The following GLDN variants were observed in gnomAD, a reference collection of about 807,000 sequenced individuals.
The protein encoded by GLDN is gliomedin.
GLDN carries 47 observed loss-of-function variants against 56.5 expected under a neutral mutation model. That is an observed-to-expected ratio of 0.83 (90% CI 0.66 to 1.06). The LOEUF is 1.06. Among genes scored for constraint, GLDN ranks in the 50% least tolerant of loss-of-function variants. GLDN has a pLI of 0.00. For synonymous variants in GLDN, 332 were observed against 278.8 expected (o/e 1.19, Z -1.90); for missense variants, 782 against 714.3 (o/e 1.09, Z -1.08).
In GLDN at chr15:51,404,621, T is replaced by G. The variant is rs2038334604; in HGVS notation, c.1523T>G (p.Phe508Cys). Residue 508 changes from phenylalanine to cysteine, a missense_variant, in exon 10 of 10, where the codon TTT (phenylalanine) becomes TGT (cysteine). Physicochemically the swap from Phe to Cys is radical, Grantham distance 205. Coordinates refer to ENST00000335449, the MANE Select transcript of GLDN (RefSeq NM_181789.4). ...LLGGKQINAN[F>C]DLRTSQSVLA... ...GGAGGGAAACAGATCAATGCAAACT[T>G]TGATTTAAGAACTTCCCAGTCTGTT... 1 of 1,614,128 alleles carries G rather than the reference T, an allele frequency of 6.2e-7. No homozygotes were observed. The highest frequency in any genetic ancestry group is 1.7e-5 in the Admixed American group (1 of 60,028).
In GLDN at chr15:51,367,662, T is replaced by C. The variant is rs143922340; in HGVS notation, c.364-9787T>C. On this transcript the variant is annotated intron_variant, in intron 1 of 9. Coordinates refer to ENST00000335449, the MANE Select transcript of GLDN (RefSeq NM_181789.4). ...AAAGGCAGGCTGGCGTCCATCCCCA[T>C]CCTAATCCACTTAGCAAAGCAGGAA... Among the ~76,000 whole-genome samples, 47 of 152,276 alleles carry C rather than the reference T, an allele frequency of 3.1e-4. 1 individual carries two copies. In the East Asian group the frequency reaches 9.1e-3, roughly 29 times the overall value.
chr15:51,359,467 C>T (rs554277861), intron 1 of GLDN, among the ~76,000 whole-genome samples: 14 of 152,282 alleles, frequency 9.2e-5, no homozygotes, highest in African/African-American at 3.4e-4. Flanking sequence ...GGGAACAATT[C>T]CCCACAGGCC....
At chr15:51,391,289 CT>C (rs1452673050) in intron 4 of GLDN, among the ~76,000 whole-genome samples, 1 of 152,046 alleles carries the variant, frequency 6.6e-6, no homozygotes, top group African/African-American at 2.4e-5. Context: ...CACATATGGC[CT>C]TTCCGAGAAA....
chr15:51,360,188 C>A (rs1013316943), intron 1 of GLDN: 1 of 152,232 alleles, frequency 6.6e-6, no homozygotes, highest in African/African-American at 2.4e-5. Context: ...GAGGAGCAGG[C>A]TGAACGAGAC....
chr15:51,410,509 C>T (rs2038454304), downstream of GLDN, among the ~76,000 whole-genome samples: 2 of 152,170 alleles, frequency 1.3e-5, no homozygotes, highest in Non-Finnish European at 2.9e-5. Context: ...CCCCATGGTT[C>T]AGCCAAGTCT....
chr15:51,353,072 T>A (rs1213235723), intron 1 of GLDN, among the ~76,000 whole-genome samples: 1 of 152,198 alleles, frequency 6.6e-6, no homozygotes, highest in East Asian at 1.9e-4. Context: ...ATTCAAGGTA[T>A]TTTTTAGACT....
At chr15:51,358,837 G>T (rs2037236609) in intron 1 of GLDN, among the ~76,000 whole-genome samples, 2 of 152,190 alleles carry the variant, frequency 1.3e-5, no homozygotes, top group South Asian at 4.1e-4. Flanking sequence ...TCTTCCCGGA[G>T]GAGAGACATG....
intron 9 of GLDN, 74 bp from the exon 10 acceptor site, chr15:51,404,203 T>G (rs748299448): frequency 8.5e-6 from 10 of 1,179,700 alleles, no homozygotes; most frequent in Non-Finnish European, 1.2e-5. Flanking sequence ...CTCAGTTTAA[T>G]AGAGGAGCCT....
At chr15:51,389,593 A>G (rs2037971901) in intron 4 of GLDN, among the ~76,000 whole-genome samples, 1 of 152,332 alleles carries the variant, frequency 6.6e-6, no homozygotes, top group African/African-American at 2.4e-5. Context: ...AACTAAGCAT[A>G]AAGGACGAGA....
At chr15:51,377,142 G>T (rs1182954266) in intron 1 of GLDN, 1 of 411,934 alleles carries the variant, frequency 2.4e-6, no homozygotes, top group Non-Finnish European at 4.4e-6. Context: ...AATCTGCAGT[G>T]TGGTAGGTTT....
intron 1 of GLDN, among the ~76,000 whole-genome samples, chr15:51,345,095 G>C (rs189415315): frequency 6.8e-4 from 103 of 152,218 alleles, no homozygotes; most frequent in Non-Finnish European, 1.2e-3. Context: ...AACTCCTGTG[G>C]GAGATGCTAC....
chr15:51,389,961 T>TA (rs1183307773), intron 4 of GLDN, among the ~76,000 whole-genome samples: 1 of 152,200 alleles, frequency 6.6e-6, no homozygotes, highest in African/African-American at 2.4e-5. Flanking sequence ...CTCTGTAGCC[T>TA]AACGGTTGCT....
At chr15:51,353,155 G>T (rs1159033649) in intron 1 of GLDN, among the ~76,000 whole-genome samples, 1 of 152,106 alleles carries the variant, frequency 6.6e-6, no homozygotes, top group Non-Finnish European at 1.5e-5. Flanking sequence ...CCCCCATCTA[G>T]GAACAGACTT....
intron 1 of GLDN, among the ~76,000 whole-genome samples, chr15:51,355,091 G>A (rs1370783373): frequency 6.6e-6 from 1 of 152,148 alleles, no homozygotes; most frequent in East Asian, 1.9e-4. Flanking sequence ...GAGGGTCCTT[G>A]GATCATGCAC....
In GLDN at chr15:51,348,665, G is replaced by GT. The variant is rs540444281; in HGVS notation, c.363+6626dup. 9.2e-4 allele frequency among the ~76,000 whole-genome samples: 139 copies of GT among 151,726 alleles called. 1 individual carries two copies. Among genetic ancestry groups the GT allele is most frequent in the African/African-American group, 2.4e-3 (101 of 41,358 alleles). On this transcript the variant is annotated intron_variant, in intron 1 of 9. Transcript: ENST00000335449. ...TTTTTTTAAGAGAAGTACAAAATCTGTTTTTTTTAATGTGAAATCTCCTGG... is the reference window on the plus strand; with the variant it reads ...TTTTTTTAAGAGAAGTACAAAATCTGTTTTTTTTTAATGTGAAATCTCCTGG...
At position 51,400,504 on chromosome 15, in the gene GLDN, T is replaced by C; in HGVS notation, c.1027+6T>C. ...GGTGACAGAGCATTTTTCAGGTACTTGCACTCGGCCTATGACCCATATCTG... is the reference window on the plus strand; with the variant it reads ...GGTGACAGAGCATTTTTCAGGTACTCGCACTCGGCCTATGACCCATATCTG... On this transcript the variant is annotated splice_donor_region_variant and intron_variant, in intron 8 of 9. Coordinates refer to ENST00000335449, the MANE Select transcript of GLDN (RefSeq NM_181789.4). The C allele has an allele frequency of 6.2e-7, 1 of 1,613,900 alleles. No individual in the cohort carries two copies. Among genetic ancestry groups the C allele is most frequent in the Non-Finnish European group, 8.5e-7 (1 of 1,179,902 alleles).
At position 51,401,586 on chromosome 15, in the gene GLDN, C is replaced by A; in HGVS notation, c.1028-7C>A. 6.2e-7 allele frequency: 1 copy of A among 1,611,538 alleles called. No individual in the cohort carries two copies. The highest frequency in any genetic ancestry group is 1.1e-5 in the South Asian group (1 of 90,396). On this transcript the variant is annotated splice_region_variant and splice_polypyrimidine_tract_variant and intron_variant, in intron 8 of 9. Transcript: ENST00000335449. ...GTAACAGCCTCTCCCTGGCTTCCCTCCTACAGGCATCATGGTTAAGGAATT... is the reference window on the plus strand; with the variant it reads ...GTAACAGCCTCTCCCTGGCTTCCCTACTACAGGCATCATGGTTAAGGAATT...
intron 2 of GLDN, among the ~76,000 whole-genome samples, chr15:51,382,965 T>C (rs938174810): frequency 6.6e-6 from 1 of 152,166 alleles, no homozygotes; most frequent in Non-Finnish European, 1.5e-5. Context: ...AAGAGAAATC[T>C]AGCCAGCCAG....
chr15:51,366,830 C>T (rs1200745824), intron 1 of GLDN, among the ~76,000 whole-genome samples: 1 of 151,720 alleles, frequency 6.6e-6, no homozygotes, highest in African/African-American at 2.4e-5. Flanking sequence ...CCTGGGAGGT[C>T]GGGGCTGCCA....
Sources: allele counts gnomAD v4.1 joint callset (sites outside exome capture counted in the v4.1 genomes callset), GRCh38; gene constraint gnomAD v4.1.1; transcripts MANE v1.5; gene names NCBI Gene and HGNC (gene_info 2026-07-23, HGNC 2026-07-21).